PRR12: variants seen among roughly 807,000 people sequenced by gnomAD.
PRR12 encodes proline rich 12, also known as proline-rich protein 12.
In PRR12, 12 loss-of-function variants were observed where a neutral mutation model predicts 138.0. The observed-to-expected ratio is 0.09, with a 90% CI of 0.06 to 0.14. PRR12 has a LOEUF of 0.14. Ranked by LOEUF, PRR12 falls within the 10% of genes least tolerant of loss-of-function variation. The pLI is 1.00. For missense variants in PRR12, 2,692 were observed against 2,861.3 expected, an observed-to-expected ratio of 0.94 and a Z score of 1.35; for synonymous variants, 1,567 against 1,291.7, an observed-to-expected ratio of 1.21 and a Z score of -4.57.
intron 4 of PRR12, among the ~76,000 whole-genome samples, chr19:49,598,864 A>T (rs1237463667): frequency 1.3e-5 from 2 of 152,052 alleles, no homozygotes; most frequent in Admixed American, 1.3e-4. Context: ...AGGAGGTTGG[A>T]GCTTACGCTG....
chr19:49,617,220 G>C (rs1305353047), intron 9 of PRR12, among the ~76,000 whole-genome samples: 12 of 152,034 alleles, frequency 7.9e-5, no homozygotes, highest in Admixed American at 7.9e-4. Context: ...GGTAACAGCT[G>C]ATTTTTGTTG....
chr19:49,618,898 G>C (rs1190933484), intron 9 of PRR12, among the ~76,000 whole-genome samples: 1 of 151,776 alleles, frequency 6.6e-6, no homozygotes, highest in African/African-American at 2.4e-5. Context: ...GCTTAGGAGG[G>C]ATCTTTCTAC....
At position 49,614,747 on chromosome 19, in the gene PRR12, T is replaced by C; in HGVS notation, c.4890+98T>C. ...TGTGGCTGTGACTCACTCCACAGTG[T>C]ATCTGGAAGGGGGCCCCCTGCTGCC... On this transcript the variant is annotated intron_variant, in intron 7 of 13. Transcript: ENST00000418929. The surrounding 1 kb of genome is among the most constrained non-coding windows in gnomAD (Gnocchi z 5.0). 1 of 1,490,782 alleles carries C rather than the reference T, an allele frequency of 6.7e-7. No individual in the cohort carries two copies. The highest frequency in any genetic ancestry group is 9.2e-7 in the Non-Finnish European group (1 of 1,092,354). The allele number at this position is 1,490,782 out of a possible 1,614,324, so 92.3% of individuals were successfully genotyped here.
intron 6 of PRR12, among the ~76,000 whole-genome samples, chr19:49,608,546 T>C (rs906229302): frequency 6.6e-6 from 1 of 152,084 alleles, no homozygotes. Flanking sequence ...AATTTCTGTA[T>C]TTTTAGTAGA....
chr19:49,593,205 AGCT>A, intron 1 of PRR12, 119 bp from the exon 2 acceptor site: 1 of 600,602 alleles, frequency 1.7e-6, no homozygotes, highest in Middle Eastern at 3.2e-4. Flanking sequence ...ACGGTTCCTT[AGCT>A]TAACACCCCC....
chr19:49,600,028 GAC>G, intron 5 of PRR12, 90 bp downstream of exon 5: 1 of 1,321,674 alleles, frequency 7.6e-7, no homozygotes, highest in Non-Finnish European at 1.0e-6. Context: ...CTGTTTAAGA[GAC>G]ACCATTCACA....
chr19:49,620,932 C>T (rs1165171668), intron 10 of PRR12, among the ~76,000 whole-genome samples: 1 of 136,574 alleles, frequency 7.3e-6, no homozygotes, highest in Non-Finnish European at 1.6e-5. Context: ...ACTCCCGGGT[C>T]TGAGGAAGGA....
chr19:49,615,550 C>A (rs1250094640), intron 8 of PRR12, among the ~76,000 whole-genome samples, 197 bp from the exon 9 acceptor site: 1 of 130,036 alleles, frequency 7.7e-6, no homozygotes, highest in Non-Finnish European at 1.7e-5. Context: ...GGGTCAGAGT[C>A]CCAGAGAGGG....
intron 6 of PRR12, among the ~76,000 whole-genome samples, chr19:49,608,958 G>A (rs2080852162): frequency 6.6e-6 from 1 of 152,172 alleles, no homozygotes; most frequent in African/African-American, 2.4e-5. Context: ...TCTGTCAACT[G>A]GGACTGTTGT....
In PRR12 at chr19:49,595,461, G is replaced by A. The variant is rs2080760330; in HGVS notation, c.1126G>A (p.Gly376Ser). The A allele has an allele frequency of 3.9e-6, 6 of 1,549,522 alleles. No homozygotes were observed. The highest frequency in any genetic ancestry group is 5.2e-6 in the Non-Finnish European group (6 of 1,147,520). ...AGCAGGGGGCGGTGGGGCTGGGGGT[G>A]GTGGTGGAGGTTACCGCCCCATCAT... The part of the protein sequence containing the change: ...EAAGGGGAGG[G>S]GGGYRPIIQS... The change falls in exon 4 of 14, where the codon GGT becomes AGT. Residue 376 changes from glycine to serine, a missense_variant. Transcript: ENST00000418929.
At chr19:49,605,554 G>A (rs1568426832) in intron 6 of PRR12, among the ~76,000 whole-genome samples, 1 of 152,210 alleles carries the variant, frequency 6.6e-6, no homozygotes, top group Non-Finnish European at 1.5e-5. Context: ...GAGCCACTGC[G>A]CCCAGCCAGG....
At chr19:49,593,235 A>C in intron 1 of PRR12, 92 bp from the exon 2 acceptor site, 168 of 414,048 alleles carry the variant, frequency 4.1e-4, no homozygotes, top group East Asian at 1.2e-3. Context: ...GGTCAGCTGG[A>C]AGGGTCCCCC....
At chr19:49,613,722 C>T (rs970015859) in intron 6 of PRR12, among the ~76,000 whole-genome samples, 2 of 152,226 alleles carry the variant, frequency 1.3e-5, no homozygotes, top group African/African-American at 4.8e-5. Context: ...TTGTCTGTCT[C>T]ATTACCTCTG....
Position 49,615,898 on chromosome 19 carries a change from C to T in PRR12, c.5176C>T (p.Pro1726Ser). 6.4e-7 allele frequency: 1 copy of T among 1,567,710 alleles called. No individual in the cohort carries two copies. Among genetic ancestry groups the T allele is most frequent in the Non-Finnish European group, 8.6e-7 (1 of 1,156,494 alleles). Reference sequence around the variant, plus strand: ...GACTCCTGAGACGGCCATGCCTGAGCCCCCTGCCCCCGAGAAGCCCTCCCT... The same window carrying T: ...GACTCCTGAGACGGCCATGCCTGAGTCCCCTGCCCCCGAGAAGCCCTCCCT... ...EQTPETAMPE[P>S]PAPEKPSLLR... is the part of the protein sequence containing the mutation. Residue 1726 changes from proline to serine, a missense_variant, in exon 9 of 14, where the codon CCC becomes TCC. Transcript: ENST00000418929.
In PRR12 at chr19:49,614,332, TGG is replaced by T. The variant is rs147154364; in HGVS notation, c.4774-199_4774-198del. On this transcript the variant is annotated intron_variant, in intron 6 of 13. Coordinates refer to ENST00000418929, the MANE Select transcript of PRR12 (RefSeq NM_020719.3). The surrounding 1 kb of genome is among the most constrained non-coding windows in gnomAD (Gnocchi z 5.0). ...GAACGAGCAGCCCAATCCAGGGTAC[TGG>T]GTGGGCAGGAGGCGACAGGGTCAAG... is the stretch of plus-strand genomic sequence containing the variant. 4.4e-3 allele frequency among the ~76,000 whole-genome samples: 663 copies of T among 152,272 alleles called. 4 individuals carry two copies. The highest frequency in any genetic ancestry group is 0.016 in the African/African-American group (646 of 41,558).
At position 49,599,726 on chromosome 19, in the gene PRR12, C is replaced by T. The variant is rs1260712719; in HGVS notation, c.4133C>T (p.Pro1378Leu). The change falls in exon 5 of 14, where the codon CCC becomes CTC. Residue 1378 changes from proline to leucine, a missense_variant. Transcript: ENST00000418929. The surrounding 1 kb of genome is among the most constrained non-coding windows in gnomAD (Gnocchi z 5.0). ...EELKRNLETL[P>L]SFSSDEEDSV... Reference sequence around the variant, plus strand: ...CTGAAGCGGAACCTCGAGACGCTGCCCTCCTTCTCCTCGGATGAGGAAGAC... The same window carrying T: ...CTGAAGCGGAACCTCGAGACGCTGCTCTCCTTCTCCTCGGATGAGGAAGAC... 3 of 1,613,494 alleles carry T rather than the reference C, an allele frequency of 1.9e-6. No homozygotes were observed. The highest frequency in any genetic ancestry group is 2.5e-6 in the Non-Finnish European group (3 of 1,179,900).
intron 11 of PRR12, 50 bp from the exon 12 acceptor site, chr19:49,624,794 G>C (rs768224912): frequency 1.8e-5 from 28 of 1,590,276 alleles, no homozygotes; most frequent in Non-Finnish European, 2.4e-5. Flanking sequence ...GTTGGGTTTG[G>C]GGTTTATGGA....
At position 49,621,548 on chromosome 19, in the gene PRR12, C is replaced by A; in HGVS notation, c.5647C>A (p.Arg1883=). ...THDELYLPPM[R]KIDGLLNEHK... Reference sequence around the variant, plus strand: ...AGACGAGCTGTACCTGCCCCCCATGCGGAAGATAGACGGCCTGCTGAATGA... The same window carrying A: ...AGACGAGCTGTACCTGCCCCCCATGAGGAAGATAGACGGCCTGCTGAATGA... The change falls in exon 11 of 14, where the codon CGG becomes AGG. Residue 1883 remains arginine, a synonymous_variant. Coordinates refer to ENST00000418929, the MANE Select transcript of PRR12 (RefSeq NM_020719.3). 1 of 1,606,898 alleles carries A rather than the reference C, an allele frequency of 6.2e-7. No individual in the cohort carries two copies. The highest frequency in any genetic ancestry group is 1.1e-5 in the South Asian group (1 of 89,428).
At chr19:49,604,988 A>G (rs2080831087) in intron 6 of PRR12, among the ~76,000 whole-genome samples, 1 of 152,008 alleles carries the variant, frequency 6.6e-6, no homozygotes, top group African/African-American at 2.4e-5. Context: ...AGTAGCTGGG[A>G]CTACAGAGGA....
Sources: gnomAD v4.1 joint callset for allele counts (sites outside exome capture counted in the v4.1 genomes callset) on GRCh38, gnomAD v4.1.1 for gene constraint, Gnocchi (gnomAD v3.1) non-coding constraint, MANE v1.5 for transcripts, NCBI Gene and HGNC (gene_info 2026-07-23, HGNC 2026-07-21) for gene names.